Variants in ANKDD1B observed in about 807,000 individuals in gnomAD.
ANKDD1B encodes the protein ankyrin repeat and death domain-containing protein 1B.
Under a neutral mutation model 59.7 loss-of-function variants are expected in ANKDD1B, and 57 were observed. That is an observed-to-expected ratio of 0.95 (90% CI 0.77 to 1.19). ANKDD1B has a LOEUF of 1.19. Ranked by LOEUF, ANKDD1B falls within the 50% of genes most tolerant of loss-of-function variation. ANKDD1B has a pLI of 0.00. For synonymous variants in ANKDD1B, 216 were observed against 239.5 expected, an observed-to-expected ratio of 0.90 and a Z score of 0.91; for missense variants, 602 against 641.9, an observed-to-expected ratio of 0.94 and a Z score of 0.67.
chr5:75,627,368 T>C (rs116105075), intron 5 of ANKDD1B, among the ~76,000 whole-genome samples: 3,290 of 152,316 alleles, frequency 0.022, 66 homozygotes, highest in Non-Finnish European at 0.033. Flanking sequence ...AAAGTACCTA[T>C]GCAAATGCGC....
intron 1 of ANKDD1B, among the ~76,000 whole-genome samples, chr5:75,616,078 A>T (rs1773708893): frequency 6.6e-6 from 1 of 152,134 alleles, no homozygotes; most frequent in Non-Finnish European, 1.5e-5. Context: ...CTGTTTGGAG[A>T]TGGTATGTTA....
intron 3 of ANKDD1B, among the ~76,000 whole-genome samples, chr5:75,622,146 C>A (rs921802087): frequency 6.6e-6 from 1 of 152,086 alleles, no homozygotes; most frequent in African/African-American, 2.4e-5. Flanking sequence ...ACAGTTGATC[C>A]CCTTCACCAT....
At chr5:75,634,213 A>G (rs1774237516) in intron 5 of ANKDD1B, among the ~76,000 whole-genome samples, 1 of 152,226 alleles carries the variant, frequency 6.6e-6, no homozygotes, top group Non-Finnish European at 1.5e-5. Flanking sequence ...GCAACATGAA[A>G]AGTAGGAGGA....
chr5:75,611,759 G>C lies in ANKDD1B; in HGVS notation c.125G>C (p.Ser42Thr). 1 of 1,232,028 alleles carries C rather than the reference G, an allele frequency of 8.1e-7. No individual in the cohort carries two copies. The highest frequency in any genetic ancestry group is 1.5e-5 in the African/African-American group (1 of 64,568). The allele number at this position is 1,232,028 out of a possible 1,614,324, so 76.3% of individuals were successfully genotyped here. A position where few individuals can be genotyped will look rare whatever the true frequency, so the allele number is the denominator to read the frequency against. ...GGCGCGGCCGCCCTGCCTTGGAGGAGCCTGTCCCGGATCCCGAAGCGGGAG... is the reference window on the plus strand; with the variant it reads ...GGCGCGGCCGCCCTGCCTTGGAGGACCCTGTCCCGGATCCCGAAGCGGGAG... ...LWGAAALPWR[S>T]LSRIPKREGL... Residue 42 changes from serine to threonine, a missense_variant, in exon 1 of 14, where the codon AGC becomes ACC. Around this residue, in one of 3 missense-constraint regions of ANKDD1B, gnomAD observed 317 missense variants for 304.6 expected, o/e 1.04. Transcript: ENST00000601380.
rs550940380 is a variant in ANKDD1B, at chr5:75,664,964, A to C, written c.1191+1475A>C. ...TATTTTAAATTCTCTTTGTTCATTG[A>C]ACAAGTTTATATCCTCGCCTAATAT... On this transcript the variant is annotated intron_variant, in intron 11 of 13. Coordinates refer to ENST00000601380, the MANE Select transcript of ANKDD1B (RefSeq NM_001276713.2). Among the ~76,000 whole-genome samples the C allele has an allele frequency of 9.6e-4, 146 of 152,288 alleles. 1 individual carries two copies. Among genetic ancestry groups the C allele is most frequent in the Non-Finnish European group, 1.6e-3 (109 of 68,024 alleles).
chr5:75,658,043 C>T (rs1775019790), intron 9 of ANKDD1B, among the ~76,000 whole-genome samples: 1 of 148,986 alleles, frequency 6.7e-6, no homozygotes, highest in African/African-American at 2.5e-5. Context: ...GAGGCCTCAT[C>T]GCTAAAAAAA....
intron 5 of ANKDD1B, among the ~76,000 whole-genome samples, chr5:75,630,479 A>T (rs1561436277): frequency 6.6e-6 from 1 of 152,258 alleles, no homozygotes; most frequent in African/African-American, 2.4e-5. Context: ...ATGGAAAGGA[A>T]AGATGTTTCA....
intron 7 of ANKDD1B, among the ~76,000 whole-genome samples, chr5:75,651,696 C>T (rs142707868): frequency 1.3e-5 from 2 of 152,328 alleles, no homozygotes; most frequent in African/African-American, 4.8e-5. Context: ...TGGTTCTAGT[C>T]CACTTCCTAC....
At chr5:75,621,617 C>T (rs1007531158) in intron 3 of ANKDD1B, among the ~76,000 whole-genome samples, 2 of 152,330 alleles carry the variant, frequency 1.3e-5, no homozygotes, top group East Asian at 3.9e-4. Context: ...AAATCTCTAA[C>T]ATACCAAAGT....
intron 3 of ANKDD1B, among the ~76,000 whole-genome samples, chr5:75,622,725 G>A (rs1773884650): frequency 6.6e-6 from 1 of 152,222 alleles, no homozygotes; most frequent in South Asian, 2.1e-4. Flanking sequence ...ATTGAGCAAT[G>A]TACACTTTAC....
intron 7 of ANKDD1B, among the ~76,000 whole-genome samples, chr5:75,646,788 G>A (rs374151712): frequency 6.1e-5 from 7 of 114,404 alleles, no homozygotes; most frequent in Non-Finnish European, 9.4e-5. Context: ...AGTCCGCATC[G>A]CCAAGTCAAT....
chr5:75,623,462 C>T (rs941493900), intron 3 of ANKDD1B, among the ~76,000 whole-genome samples: 11 of 152,162 alleles, frequency 7.2e-5, no homozygotes, highest in Non-Finnish European at 1.5e-4. Flanking sequence ...GTTTAGGGAA[C>T]ATGTTTTGAA....
Position 75,669,281 on chromosome 5 carries a change from AG to A in ANKDD1B, c.1426del (p.Ala476LeufsTer10). On this transcript the variant is annotated frameshift_variant, in exon 13 of 14. Coordinates refer to ENST00000601380, the MANE Select transcript of ANKDD1B (RefSeq NM_001276713.2). LOFTEE classifies it high-confidence loss of function. Reference protein sequence around the residue: ...GNESFREHGHRALLIWLHGTL... With the variant: ...GNESFREHGHXALLIWLHGTL... ...TGAAAGCTTCCGTGAACATGGCCAC[AG>A]GGCTCTGCTTATCTGGCTACACGGG... The A allele has an allele frequency of 8.1e-7, 1 of 1,232,162 alleles. No homozygotes were observed. The allele number at this position is 1,232,162 out of a possible 1,614,324, so 76.3% of individuals were successfully genotyped here.
chr5:75,620,292 A>T, intron 2 of ANKDD1B, 23 bp from the exon 3 acceptor site: 1 of 1,337,446 alleles, frequency 7.5e-7, no homozygotes, highest in Non-Finnish European at 1.0e-6. Flanking sequence ...AGATGACTAA[A>T]AACATAAATT....
chr5:75,666,479 G>T (rs1397187722), intron 11 of ANKDD1B, among the ~76,000 whole-genome samples: 1 of 152,194 alleles, frequency 6.6e-6, no homozygotes, highest in African/African-American at 2.4e-5. Flanking sequence ...TGGTTTTGTT[G>T]TTGTGACACA....
rs575086941 is a variant in ANKDD1B at position 75,638,717 on chromosome 5, C to T, written c.798+2835C>T. Among the ~76,000 whole-genome samples, 10 of 152,290 alleles carry T rather than the reference C, an allele frequency of 6.6e-5. No individual in the cohort carries two copies. The South Asian group carries it at 2.1e-3, about 32-fold the overall frequency. On this transcript the variant is annotated intron_variant, in intron 7 of 13. Coordinates refer to ENST00000601380, the MANE Select transcript of ANKDD1B (RefSeq NM_001276713.2). ...CAGGCTGGTCTCAAACTCCTGGCTTCAAGTGATCTTCCCATCTCAGCCTCC... is the reference window on the plus strand; with the variant it reads ...CAGGCTGGTCTCAAACTCCTGGCTTTAAGTGATCTTCCCATCTCAGCCTCC...
intron 11 of ANKDD1B, among the ~76,000 whole-genome samples, chr5:75,663,701 C>T (rs993198552): frequency 6.6e-6 from 1 of 152,334 alleles, no homozygotes; most frequent in African/African-American, 2.4e-5. Context: ...GAACTGAGAG[C>T]GCGTAGAGTT....
At chr5:75,630,697 C>T (rs1774128308) in intron 5 of ANKDD1B, among the ~76,000 whole-genome samples, 1 of 152,196 alleles carries the variant, frequency 6.6e-6, no homozygotes, top group South Asian at 2.1e-4. Context: ...AGACAAAAAT[C>T]CATCTTGATC....
chr5:75,667,020 A>G (rs1775324796), intron 12 of ANKDD1B, 27 bp downstream of exon 12: 1 of 1,380,382 alleles, frequency 7.2e-7, no homozygotes, highest in South Asian at 1.6e-5. Flanking sequence ...TGATGTGGGC[A>G]GGAGGAATTC....
Sources: allele counts gnomAD v4.1 joint callset (sites outside exome capture counted in the v4.1 genomes callset), GRCh38; gene constraint gnomAD v4.1.1; regional missense constraint gnomAD v4.1.1; transcripts MANE v1.5; gene names NCBI Gene and HGNC (gene_info 2026-07-23, HGNC 2026-07-21).